The following KCNE3 variants were observed in gnomAD, a reference collection of about 807,000 sequenced individuals.
KCNE3 encodes potassium voltage-gated channel subfamily E member 3.
Under a neutral mutation model 4.3 loss-of-function variants are expected in KCNE3, and 2 were observed. That is an observed-to-expected ratio of 0.47 (90% CI 0.19 to 1.48). The LOEUF (loss-of-function observed/expected upper bound fraction) is 1.48, where lower values mean the gene tolerates loss of function less well. Ranked by LOEUF, KCNE3 falls within the 40% of genes most tolerant of loss-of-function variation. The pLI is 0.25. For synonymous variants in KCNE3, 47 were observed against 52.0 expected (o/e 0.90, Z 0.41); for missense variants, 128 against 136.8 (o/e 0.94, Z 0.32).
Position 74,466,449 on chromosome 11 carries a change from T to C in KCNE3, c.-190+949A>G, listed in dbSNP as rs532422172. On this transcript the variant is annotated intron_variant, in intron 1 of 2. Coordinates refer to ENST00000310128, the MANE Select transcript of KCNE3 (RefSeq NM_005472.5). ...GACAAAGTGGACGGATGCAAGGAAA[T>C]AAGGAGGAGCTCACACGTTTACAAC... Among the ~76,000 whole-genome samples the C allele has an allele frequency of 2.0e-3, 307 of 152,208 alleles. 3 individuals carry two copies. The highest frequency in any genetic ancestry group is 6.8e-3 in the Middle Eastern group (2 of 294).
intron 2 of KCNE3, among the ~76,000 whole-genome samples, chr11:74,461,296 G>T (rs61901500): frequency 0.056 from 2,440 of 43,502 alleles, 21 homozygotes; most frequent in East Asian, 0.16. Context: ...TATGTTTTGT[G>T]TGTGTGTGTG....
rs1863809814 is a variant in KCNE3 at position 74,456,181 on chromosome 11, A to ATATATATAT, written c.*1070_*1071insATATATATA. 4.3e-5 allele frequency: 3 copies of ATATATATAT among 69,818 alleles called. No homozygotes were observed. The highest frequency in any genetic ancestry group is 1.2e-4 in the Non-Finnish European group (3 of 24,934). The allele number at this position is 69,818 out of a possible 1,614,324, so 4.3% of individuals were successfully genotyped here. Reference sequence around the variant, plus strand: ...ATATATATATATATATATATATATAAATTAACTGGGTGTGGTGACAGGAAC... The same window carrying ATATATATAT: ...ATATATATATATATATATATATATAATATATATATATTAACTGGGTGTGGTGACAGGAAC... On this transcript the variant is annotated 3_prime_UTR_variant, in exon 3 of 3. Transcript: ENST00000310128.
chr11:74,459,300 C>T (rs1245585636), intron 2 of KCNE3, among the ~76,000 whole-genome samples: 4 of 123,992 alleles, frequency 3.2e-5, no homozygotes, highest in South Asian at 2.6e-4. Flanking sequence ...CTCACTCTGT[C>T]GCCCAGGCTG....
chr11:74,461,394 G>A (rs1863950639), intron 2 of KCNE3, among the ~76,000 whole-genome samples: 1 of 151,852 alleles, frequency 6.6e-6, no homozygotes, highest in South Asian at 2.1e-4. Context: ...ACTTTGGGAG[G>A]CTGAGGCCAG....
chr11:74,457,092 C>T lies in KCNE3; in HGVS notation c.*160G>A. On this transcript the variant is annotated 3_prime_UTR_variant, in exon 3 of 3. Coordinates refer to ENST00000310128, the MANE Select transcript of KCNE3 (RefSeq NM_005472.5). ...TATGCACAAGGCTTCGGTCTACCAG[C>T]CCCTCTTCTCCCACCCCAGTGACGA... 1.4e-6 allele frequency: 1 copy of T among 721,208 alleles called. No homozygotes were observed. The highest frequency in any genetic ancestry group is 2.4e-6 in the Non-Finnish European group (1 of 413,050). The allele number at this position is 721,208 out of a possible 1,614,324, so 44.7% of individuals were successfully genotyped here. A position where few individuals can be genotyped will look rare whatever the true frequency, so the allele number is the denominator to read the frequency against.
chr11:74,459,473 A>G (rs1214046855), intron 2 of KCNE3, among the ~76,000 whole-genome samples: 1 of 152,166 alleles, frequency 6.6e-6, no homozygotes, highest in Admixed American at 6.5e-5. Flanking sequence ...CATGTTAGCC[A>G]GGATGGTCTC....
intron 1 of KCNE3, among the ~76,000 whole-genome samples, chr11:74,463,831 A>G (rs1365407162): frequency 6.6e-6 from 1 of 152,190 alleles, no homozygotes; most frequent in Admixed American, 6.5e-5. Flanking sequence ...TTTCCACTAC[A>G]AATGGCAGTG....
chr11:74,455,067 T>A lies in KCNE3; in HGVS notation c.*2185A>T, dbSNP rs1863778898. On this transcript the variant is annotated 3_prime_UTR_variant, in exon 3 of 3. Transcript: ENST00000310128. ...AGCAAATGTGTTCCATGATCCTCCA[T>A]TCAAGAACCCAAAGGCTTTTATTTT... 1 of 152,214 alleles carries A rather than the reference T, an allele frequency of 6.6e-6. No homozygotes were observed. The highest frequency in any genetic ancestry group is 1.5e-5 in the Non-Finnish European group (1 of 68,040). The allele number at this position is 152,214 out of a possible 1,614,324, so 9.4% of individuals were successfully genotyped here.
chr11:74,465,848 T>C (rs1161255075), intron 1 of KCNE3, among the ~76,000 whole-genome samples: 1 of 152,180 alleles, frequency 6.6e-6, no homozygotes, highest in Non-Finnish European at 1.5e-5. Context: ...GGCAGGCTGG[T>C]CACACTGTTT....
rs979604872 is a variant in KCNE3 at position 74,467,135 on chromosome 11, G to A, written c.-190+263C>T. Reference sequence around the variant, plus strand: ...CGTCTTGAGGGCTGGGAATAACGGCGCAAGTCCCCACGGTTTCCAGACGGG... The same window carrying A: ...CGTCTTGAGGGCTGGGAATAACGGCACAAGTCCCCACGGTTTCCAGACGGG... On this transcript the variant is annotated intron_variant, in intron 1 of 2. Coordinates refer to ENST00000310128, the MANE Select transcript of KCNE3 (RefSeq NM_005472.5). The surrounding 1 kb of genome is among the most constrained non-coding windows in gnomAD (Gnocchi z 4.4). Among the ~76,000 whole-genome samples the A allele has an allele frequency of 2.6e-5, 4 of 152,170 alleles. No individual in the cohort carries two copies. Among genetic ancestry groups the A allele is most frequent in the East Asian group, 1.9e-4 (1 of 5,170 alleles).
intron 2 of KCNE3, among the ~76,000 whole-genome samples, chr11:74,461,195 TGAG>T (rs1285528449): frequency 2.0e-5 from 3 of 152,094 alleles, no homozygotes; most frequent in South Asian, 2.1e-4. Context: ...TTTTACAAGA[TGAG>T]GAGATTCTGG....
At position 74,457,460 on chromosome 11, in the gene KCNE3, G is replaced by A. The variant is rs780882536; in HGVS notation, c.104C>T (p.Pro35Leu). The A allele has an allele frequency of 2.0e-5, 33 of 1,613,956 alleles. No individual in the cohort carries two copies. Among genetic ancestry groups the A allele is most frequent in the African/African-American group, 8.0e-5 (6 of 74,932 alleles). Residue 35 changes from proline to leucine, a missense_variant, in exon 3 of 3, where the codon CCA (proline) becomes CTA (leucine). Pro to Leu is a moderately conservative substitution (Grantham distance 98, BLOSUM62 -3). Coordinates refer to ENST00000310128, the MANE Select transcript of KCNE3 (RefSeq NM_005472.5). Reference protein sequence around the residue: ...LHSNLLCRPGPGLGPDNQTEE... With the variant: ...LHSNLLCRPGLGLGPDNQTEE... ...AGTCTGGTTGTCTGGCCCCAGCCCT[G>A]GCCCTGGCCGGCAGAGCAAATTGCT...
chr11:74,463,347 A>G (rs1038986020), intron 1 of KCNE3, among the ~76,000 whole-genome samples: 1 of 152,094 alleles, frequency 6.6e-6, no homozygotes. Flanking sequence ...CTGGGTTTGT[A>G]TGGGAGGGAA....
chr11:74,463,267 C>G (rs1863993423), intron 1 of KCNE3, among the ~76,000 whole-genome samples: 1 of 152,024 alleles, frequency 6.6e-6, no homozygotes, highest in African/African-American at 2.4e-5. Flanking sequence ...CAGGGTCTCT[C>G]TGAATAGACT....
Position 74,465,022 on chromosome 11 carries a change from C to A in KCNE3, c.-190+2376G>T, listed in dbSNP as rs921943499. Among the ~76,000 whole-genome samples the A allele has an allele frequency of 7.2e-5, 11 of 152,182 alleles. 1 individual carries two copies. The highest frequency in any genetic ancestry group is 2.7e-4 in the African/African-American group (11 of 41,444). On this transcript the variant is annotated intron_variant, in intron 1 of 2. Transcript: ENST00000310128. ...GGACTCCTCCTTCCTCACTCCCTAG[C>A]CAGTTAGTCTCTCCCTCTTGTTTTT...
At chr11:74,461,048 CAACA>C (rs2135012676) in intron 2 of KCNE3, among the ~76,000 whole-genome samples, 2 of 152,248 alleles carry the variant, frequency 1.3e-5, no homozygotes, top group East Asian at 3.9e-4. Context: ...CATAGGTAGA[CAACA>C]AACAAACAGT....
intron 2 of KCNE3, among the ~76,000 whole-genome samples, chr11:74,461,530 G>T (rs867689436): frequency 1.3e-5 from 2 of 151,900 alleles, no homozygotes; most frequent in African/African-American, 4.8e-5. Flanking sequence ...GGCTGAGGCA[G>T]GAGAACCGCT....
chr11:74,466,404 G>A (rs1864057813), intron 1 of KCNE3, among the ~76,000 whole-genome samples: 2 of 152,166 alleles, frequency 1.3e-5, no homozygotes, highest in African/African-American at 4.8e-5. Flanking sequence ...CCCAGCATGG[G>A]TCTTCCTCCA....
intron 2 of KCNE3, among the ~76,000 whole-genome samples, chr11:74,460,437 T>C (rs940302634): frequency 1.3e-5 from 2 of 152,208 alleles, no homozygotes; most frequent in Non-Finnish European, 1.5e-5. Flanking sequence ...GGGGCTCTGA[T>C]ACAATGCAGG....
Sources: allele counts gnomAD v4.1 joint callset (sites outside exome capture counted in the v4.1 genomes callset), GRCh38; gene constraint gnomAD v4.1.1; non-coding constraint Gnocchi (gnomAD v3.1); transcripts MANE v1.5; gene names NCBI Gene and HGNC (gene_info 2026-07-23, HGNC 2026-07-21).